Variants in MPIG6B observed in about 807,000 individuals in gnomAD.
MPIG6B encodes the protein megakaryocyte and platelet inhibitory receptor G6b, also known as immunoglobulin receptor.
MPIG6B carries 22 observed loss-of-function variants against 24.2 expected under a neutral mutation model. That is an observed-to-expected ratio of 0.91 (90% CI 0.65 to 1.30). MPIG6B has a LOEUF of 1.30. Ranked by LOEUF, MPIG6B falls within the 50% of genes most tolerant of loss-of-function variation. MPIG6B has a pLI of 0.00. For synonymous variants in MPIG6B, 136 were observed against 142.0 expected (o/e 0.96, Z 0.30); for missense variants, 301 against 318.5 (o/e 0.94, Z 0.42).
At position 31,724,983 on chromosome 6, in the gene MPIG6B, CG is replaced by C; in HGVS notation, c.637del (p.Asp213IlefsTer5). 6.2e-7 allele frequency: 1 copy of C among 1,613,300 alleles called. No homozygotes were observed. The highest frequency in any genetic ancestry group is 8.5e-7 in the Non-Finnish European group (1 of 1,179,324). On this transcript the variant is annotated frameshift_variant, in exon 6 of 6. Transcript: ENST00000649779. LOFTEE classifies it low-confidence loss of function (END_TRUNC). ...TTCCTCCTCCAGAGCCTGCTCTATG[CG>C]GATCTGGACCATCTAGCCCTCAGCA... ...DLDQEPSLLYADLDHLALSRP... is the reference protein window; with the variant it reads ...DLDQEPSLLYXDLDHLALSRP...
Position 31,724,001 on chromosome 6 carries a change from G to A in MPIG6B, c.409+15G>A. 4 of 1,560,042 alleles carry A rather than the reference G, an allele frequency of 2.6e-6. No individual in the cohort carries two copies. Reference sequence around the variant, plus strand: ...GCCTACCCATGGTAGGTGCAGGCCTGTGCGCACAAGGGTACTTAACTCCGA... The same window carrying A: ...GCCTACCCATGGTAGGTGCAGGCCTATGCGCACAAGGGTACTTAACTCCGA... On this transcript the variant is annotated intron_variant, in intron 2 of 5. Transcript: ENST00000649779.
chr6:31,723,510 T>C lies in MPIG6B; in HGVS notation c.61+66T>C. The C allele has an allele frequency of 2.7e-6, 4 of 1,495,498 alleles. No homozygotes were observed. Among genetic ancestry groups the C allele is most frequent in the East Asian group, 4.5e-5 (2 of 44,232 alleles). The allele number at this position is 1,495,498 out of a possible 1,614,324, so 92.6% of individuals were successfully genotyped here. ...CTGAAGCAAGATAAGGGCCGCCTAGTAGGGTGGGTTGTGTGTGGGAAGATC... is the reference window on the plus strand; with the variant it reads ...CTGAAGCAAGATAAGGGCCGCCTAGCAGGGTGGGTTGTGTGTGGGAAGATC... On this transcript the variant is annotated intron_variant, in intron 1 of 5. Transcript: ENST00000649779. The surrounding 1 kb of genome is among the most constrained non-coding windows in gnomAD (Gnocchi z 4.3).
chr6:31,726,548 G>A lies in MPIG6B; in HGVS notation c.*1474G>A, dbSNP rs3116672. On this transcript the variant is annotated 3_prime_UTR_variant, in exon 6 of 6. Coordinates refer to ENST00000649779, the MANE Select transcript of MPIG6B (RefSeq NM_138272.3). This position sits in a 1 kb window ranked among gnomAD's most constrained non-coding sequence, Gnocchi z 5.1. ...TGCATATACTTTGATGCCCTAGGGC[G>A]CACCCCCTTTATTTCCCTCATAGAA... The A allele has an allele frequency of 1, 152,392 of 152,392 alleles. 76,196 individuals carry two copies. Among genetic ancestry groups the A allele is most frequent in the Non-Finnish European group, 1 (68,058 of 68,058 alleles). The allele number at this position is 152,392 out of a possible 1,614,324, so 9.4% of individuals were successfully genotyped here. A position where few individuals can be genotyped will look rare whatever the true frequency, so the allele number is the denominator to read the frequency against.
chr6:31,724,741 T>C, intron 4 of MPIG6B, 24 bp from the exon 5 acceptor site: 1 of 1,613,980 alleles, frequency 6.2e-7, no homozygotes, highest in Non-Finnish European at 8.5e-7. Context: ...CTCTCCATCC[T>C]TCAGCTCTGT....
At chr6:31,724,650 T>C in intron 4 of MPIG6B, 23 bp downstream of exon 4, 1 of 1,612,580 alleles carries the variant, frequency 6.2e-7, no homozygotes, top group Non-Finnish European at 8.5e-7. Context: ...CCACCCCATT[T>C]TCTTTCTCCT....
chr6:31,724,746 C>T lies in MPIG6B; in HGVS notation c.542-19C>T. ...TGGTCACCTTCTCTCCATCCTTCAG[C>T]TCTGTCCCCCCCACATAGCTCCACT... On this transcript the variant is annotated intron_variant, in intron 4 of 5. Coordinates refer to ENST00000649779, the MANE Select transcript of MPIG6B (RefSeq NM_138272.3). 1 of 1,614,052 alleles carries T rather than the reference C, an allele frequency of 6.2e-7. No individual in the cohort carries two copies. Among genetic ancestry groups the T allele is most frequent in the Non-Finnish European group, 8.5e-7 (1 of 1,179,922 alleles).
upstream of MPIG6B, among the ~76,000 whole-genome samples, chr6:31,721,305 G>A (rs192244328): frequency 1.3e-5 from 2 of 152,288 alleles, no homozygotes; most frequent in East Asian, 1.9e-4. Context: ...GCATATTGAA[G>A]TGGGGCTGGT....
intron 2 of MPIG6B, 47 bp downstream of exon 2, chr6:31,724,033 C>T (rs1056228711): frequency 6.4e-7 from 1 of 1,563,866 alleles, no homozygotes; most frequent in Non-Finnish European, 8.7e-7. Context: ...CCGACACATA[C>T]CCGGAGGAGG....
At position 31,725,330 on chromosome 6, in the gene MPIG6B, CTTTT is replaced by C. The variant is rs35125371; in HGVS notation, c.*269_*272del. The stretch of plus-strand genomic sequence containing the variant: ...TCTATACCCAATCAAGCCCTAGCTC[CTTTT>C]TTTTTTTTTTTTGAGACGGAGTCTC... On this transcript the variant is annotated 3_prime_UTR_variant, in exon 6 of 6. Transcript: ENST00000649779. The surrounding 1 kb of genome is among the most constrained non-coding windows in gnomAD (Gnocchi z 5.2). The C allele has an allele frequency of 1.9e-3, 629 of 331,940 alleles. No individual in the cohort carries two copies. The highest frequency in any genetic ancestry group is 3.1e-3 in the Middle Eastern group (4 of 1,288). The allele number at this position is 331,940 out of a possible 1,614,324, so 20.6% of individuals were successfully genotyped here.
At chr6:31,721,308 G>T (rs968898698), upstream of MPIG6B, among the ~76,000 whole-genome samples, 2 of 152,130 alleles carry the variant, frequency 1.3e-5, no homozygotes, top group Non-Finnish European at 2.9e-5. Flanking sequence ...TATTGAAGTG[G>T]GGCTGGTTGG....
chr6:31,724,100 C>T (rs762938609), intron 2 of MPIG6B, 42 bp from the exon 3 acceptor site: 1 of 1,589,704 alleles, frequency 6.3e-7, no homozygotes, highest in Non-Finnish European at 8.6e-7. Context: ...CCTCGTCAAA[C>T]CCCTGACCTC....
rs1266368981 is a variant in MPIG6B at position 31,724,978 on chromosome 6, C to T, written c.630C>T (p.Leu210=). 1 of 1,613,534 alleles carries T rather than the reference C, an allele frequency of 6.2e-7. No homozygotes were observed. ...PGDLDQEPSL[L]YADLDHLALS... ...TCCCCTTCCTCCTCCAGAGCCTGCT[C>T]TATGCGGATCTGGACCATCTAGCCC... Residue 210 remains leucine, a synonymous_variant, in exon 6 of 6, where the codon CTC becomes CTT. Coordinates refer to ENST00000649779, the MANE Select transcript of MPIG6B (RefSeq NM_138272.3).
chr6:31,721,573 G>T, upstream of MPIG6B: 1 of 1,542,712 alleles, frequency 6.5e-7, no homozygotes, highest in Non-Finnish European at 8.9e-7. Context: ...GGGTAGAGCA[G>T]GGTGTAAAGG....
Position 31,726,631 on chromosome 6 carries a change from A to G in MPIG6B, c.*1557A>G, listed in dbSNP as rs1428236035. 6.6e-6 allele frequency: 1 copy of G among 152,268 alleles called. No individual in the cohort carries two copies. Among genetic ancestry groups the G allele is most frequent in the African/African-American group, 2.4e-5 (1 of 41,448 alleles). 9.4% of individuals were successfully genotyped at this position (152,268 alleles called of 1,614,324 possible). A position where few individuals can be genotyped will look rare whatever the true frequency, so the allele number is the denominator to read the frequency against. On this transcript the variant is annotated 3_prime_UTR_variant, in exon 6 of 6. Transcript: ENST00000649779. The surrounding 1 kb of genome is among the most constrained non-coding windows in gnomAD (Gnocchi z 5.1). ...GTATTTCAATTTGTAAGAAATTTGC[A>G]TGTACTGTGAGCTCCCCAACGTCAG...
In MPIG6B at chr6:31,724,583, A is replaced by C; in HGVS notation, c.501-4A>C. On this transcript the variant is annotated splice_polypyrimidine_tract_variant and splice_region_variant and intron_variant, in intron 3 of 5. Transcript: ENST00000649779. ...GTTCTCAAAGACTCATATGTCCCTT[A>C]CAGGCGCCTGCCCCCGCAACCGATT... 1 of 1,612,840 alleles carries C rather than the reference A, an allele frequency of 6.2e-7. No individual in the cohort carries two copies. The highest frequency in any genetic ancestry group is 1.1e-5 in the South Asian group (1 of 91,056).
At chr6:31,724,897 C>CAA in intron 5 of MPIG6B, 53 bp downstream of exon 5, 1 of 1,587,754 alleles carries the variant, frequency 6.3e-7, no homozygotes. Flanking sequence ...GGAAAATGGA[C>CAA]CAAAAAAAAA....
At position 31,723,381 on chromosome 6, in the gene MPIG6B, A is replaced by T; in HGVS notation, c.-3A>T. The T allele has an allele frequency of 6.2e-7, 1 of 1,611,750 alleles. No homozygotes were observed. Among genetic ancestry groups the T allele is most frequent in the African/African-American group, 1.3e-5 (1 of 74,864 alleles). ...CGCAGCTTCTCCTCACCACATCCTA[A>T]CCATGGCTGTGTTTCTGCAGCTGCT... On this transcript the variant is annotated 5_prime_UTR_variant, in exon 1 of 6. Transcript: ENST00000649779. This position sits in a 1 kb window ranked among gnomAD's most constrained non-coding sequence, Gnocchi z 4.3.
chr6:31,723,291 C>G (rs1806948127), upstream of MPIG6B: 1 of 1,001,076 alleles, frequency 1.0e-6, no homozygotes. The surrounding 1 kb of genome is among the most constrained non-coding windows in gnomAD (Gnocchi z 4.3). Flanking sequence ...CCCAGCCCCT[C>G]CGTTCTCCCC....
chr6:31,724,761 A>G lies in MPIG6B; in HGVS notation c.542-4A>G, dbSNP rs745458174. 2.0e-5 allele frequency: 33 copies of G among 1,613,698 alleles called. No individual in the cohort carries two copies. Among genetic ancestry groups the G allele is most frequent in the Middle Eastern group, 3.3e-4 (2 of 6,080 alleles). On this transcript the variant is annotated splice_polypyrimidine_tract_variant and splice_region_variant and intron_variant, in intron 4 of 5. Coordinates refer to ENST00000649779, the MANE Select transcript of MPIG6B (RefSeq NM_138272.3). ...CATCCTTCAGCTCTGTCCCCCCCAC[A>G]TAGCTCCACTTGTGAAAACCGAGCC...
Sources: allele counts gnomAD v4.1 joint callset (sites outside exome capture counted in the v4.1 genomes callset), GRCh38; gene constraint gnomAD v4.1.1; non-coding constraint Gnocchi (gnomAD v3.1); transcripts MANE v1.5; gene names NCBI Gene and HGNC (gene_info 2026-07-23, HGNC 2026-07-21).